The following ADGRV1 variants were observed in gnomAD, a reference collection of about 807,000 sequenced individuals.
The protein encoded by ADGRV1 is adhesion G protein-coupled receptor V1.
ADGRV1 carries 359 observed loss-of-function variants against 596.2 expected under a neutral mutation model. The observed-to-expected ratio is 0.60, with a 90% confidence interval of 0.55 to 0.66. The LOEUF (loss-of-function observed/expected upper bound fraction) is 0.66, where lower values mean the gene tolerates loss of function less well. Ranked by LOEUF, ADGRV1 falls within the 30% of genes least tolerant of loss-of-function variation. The probability of loss-of-function intolerance (pLI) is 0.00; values close to 1 mark genes in which losing one functional copy is unlikely to be tolerated. For synonymous variants in ADGRV1, 2,681 were observed against 2,679.2 expected (o/e 1.00, Z -0.02); for missense variants, 7,274 against 7,575.6 (o/e 0.96, Z 1.48).
At chr5:90,727,690 T>C (rs1340144048) in intron 48 of ADGRV1, among the ~76,000 whole-genome samples, 3 of 152,174 alleles carry the variant, frequency 2.0e-5, no homozygotes, top group Non-Finnish European at 4.4e-5. Context: ...TTGTTATTAA[T>C]ATTGCCCCTT....
chr5:90,759,242 G>C lies in ADGRV1; in HGVS notation c.11941-167G>C, dbSNP rs147579845. On this transcript the variant is annotated intron_variant, in intron 57 of 89. Transcript: ENST00000405460. ...TTTAAAAGTATTACAAATATAATAC[G>C]CAAAAAGAACTACTTTTTAGTACCA... 1.8e-4 allele frequency among the ~76,000 whole-genome samples: 28 copies of C among 152,010 alleles called. No homozygotes were observed. In the East Asian group the frequency reaches 4.8e-3, roughly 26 times the overall value.
Position 90,691,230 on chromosome 5 carries a change from G to T in ADGRV1, c.6951+189G>T, listed in dbSNP as rs982985045. 63 of 739,492 alleles carry T rather than the reference G, an allele frequency of 8.5e-5. 2 individuals are homozygous for T. The South Asian group carries it at 8.8e-4, about 10-fold the overall frequency. The allele number at this position is 739,492 out of a possible 1,614,324, so 45.8% of individuals were successfully genotyped here. A position where few individuals can be genotyped will look rare whatever the true frequency, so the allele number is the denominator to read the frequency against. On this transcript the variant is annotated intron_variant, in intron 31 of 89. Coordinates refer to ENST00000405460, the MANE Select transcript of ADGRV1 (RefSeq NM_032119.4). Reference sequence around the variant, plus strand: ...AGCAGGAATATTCTAGAAATAGATTGTATACATATGCCAGTTTACTACTAT... The same window carrying T: ...AGCAGGAATATTCTAGAAATAGATTTTATACATATGCCAGTTTACTACTAT...
At chr5:91,007,688 A>T (rs1412601337) in intron 85 of ADGRV1, among the ~76,000 whole-genome samples, 1 of 152,196 alleles carries the variant, frequency 6.6e-6, no homozygotes, top group Non-Finnish European at 1.5e-5. Context: ...GTGAAAATAC[A>T]TAAGAAAGAT....
intron 83 of ADGRV1, among the ~76,000 whole-genome samples, chr5:90,933,866 G>A (rs1278875320): frequency 1.3e-5 from 2 of 152,112 alleles, no homozygotes; most frequent in East Asian, 3.9e-4. Context: ...TCTGCTAGGT[G>A]GTATGAACAA....
rs1261587404 is a variant in ADGRV1 at position 90,745,275 on chromosome 5, A to G, written c.10769+10A>G. ...CTGACTTTATTCCTAGGTAGGTTCAACATTTTTTGCTAAGTATCTTTATGT... is the reference window on the plus strand; with the variant it reads ...CTGACTTTATTCCTAGGTAGGTTCAGCATTTTTTGCTAAGTATCTTTATGT... On this transcript the variant is annotated intron_variant, in intron 51 of 89. Transcript: ENST00000405460. The G allele has an allele frequency of 2.0e-6, 3 of 1,532,766 alleles. No homozygotes were observed. The highest frequency in any genetic ancestry group is 1.4e-5 in the African/African-American group (1 of 72,598). The allele number at this position is 1,532,766 out of a possible 1,614,324, so 94.9% of individuals were successfully genotyped here.
intron 84 of ADGRV1, among the ~76,000 whole-genome samples, chr5:90,976,252 T>C (rs1362545483): frequency 1.4e-5 from 2 of 147,366 alleles, no homozygotes; most frequent in African/African-American, 5.0e-5. Context: ...TACATATATT[T>C]ATATATAGTG....
chr5:91,068,391 C>T (rs1788073540), intron 85 of ADGRV1, among the ~76,000 whole-genome samples: 1 of 151,828 alleles, frequency 6.6e-6, no homozygotes, highest in African/African-American at 2.4e-5. Context: ...ATGGTGTGAA[C>T]CCAGGAGGCG....
At chr5:91,121,086 A>G (rs1793276902) in intron 87 of ADGRV1, among the ~76,000 whole-genome samples, 1 of 152,186 alleles carries the variant, frequency 6.6e-6, no homozygotes, top group South Asian at 2.1e-4. Flanking sequence ...AGGTAGGAGA[A>G]TCGCTTCAAC....
intron 83 of ADGRV1, among the ~76,000 whole-genome samples, chr5:90,886,663 CTCT>C (rs942541877): frequency 4.6e-5 from 7 of 152,162 alleles, no homozygotes; most frequent in African/African-American, 1.7e-4. Context: ...TCCTTGATAG[CTCT>C]TCTTGGATGT....
At chr5:91,155,453 C>A (rs549465799) in intron 89 of ADGRV1, among the ~76,000 whole-genome samples, 3 of 152,292 alleles carry the variant, frequency 2.0e-5, no homozygotes, top group Admixed American at 2.0e-4. Context: ...CATCAATAAT[C>A]TACTAGAGTT....
chr5:91,053,450 A>G (rs1786534312), intron 85 of ADGRV1, among the ~76,000 whole-genome samples: 1 of 152,202 alleles, frequency 6.6e-6, no homozygotes, highest in Non-Finnish European at 1.5e-5. Flanking sequence ...AGAAACAAAG[A>G]TTAATCATAA....
At chr5:90,559,681 T>G (rs1048971370) in intron 1 of ADGRV1, among the ~76,000 whole-genome samples, 1 of 152,186 alleles carries the variant, frequency 6.6e-6, no homozygotes, top group Admixed American at 6.5e-5. Flanking sequence ...TTTACTAGTA[T>G]GCTATACACT....
intron 83 of ADGRV1, among the ~76,000 whole-genome samples, chr5:90,929,838 A>C (rs768440331): frequency 1.5e-4 from 23 of 152,168 alleles, no homozygotes; most frequent in Admixed American, 3.9e-4. Context: ...TAATATGTAG[A>C]TATGTTTCTT....
At chr5:91,032,980 A>G (rs1784597664) in intron 85 of ADGRV1, among the ~76,000 whole-genome samples, 1 of 152,200 alleles carries the variant, frequency 6.6e-6, no homozygotes, top group African/African-American at 2.4e-5. Flanking sequence ...CTTATATAGC[A>G]CAGATCTGGA....
At position 90,711,204 on chromosome 5, in the gene ADGRV1, A is replaced by G; in HGVS notation, c.8924A>G (p.His2975Arg). 1 of 1,612,760 alleles carries G rather than the reference A, an allele frequency of 6.2e-7. No homozygotes were observed. The highest frequency in any genetic ancestry group is 2.2e-5 in the East Asian group (1 of 44,858). ...QQSRFEVNET[H>R]GSLTLVAQRS... Reference sequence around the variant, plus strand: ...TATAGGTTTGAAGTAAATGAAACCCATGGAAGTTTAACATTGGTAGCCCAG... The same window carrying G: ...TATAGGTTTGAAGTAAATGAAACCCGTGGAAGTTTAACATTGGTAGCCCAG... The change falls in exon 41 of 90, where the codon CAT becomes CGT. Residue 2975 changes from histidine to arginine, a missense_variant. By Grantham distance (29) the His-to-Arg change is conservative. Transcript: ENST00000405460.
intron 29 of ADGRV1, among the ~76,000 whole-genome samples, chr5:90,688,653 G>A (rs1655082155): frequency 6.6e-6 from 1 of 152,138 alleles, no homozygotes; most frequent in African/African-American, 2.4e-5. Flanking sequence ...ATGGCACTGA[G>A]CTTGTAGACT....
At chr5:91,089,835 T>A (rs568600848) in intron 86 of ADGRV1, among the ~76,000 whole-genome samples, 5 of 152,324 alleles carry the variant, frequency 3.3e-5, no homozygotes, top group African/African-American at 1.2e-4. Flanking sequence ...TAGGCAAGTT[T>A]AAAGATGCAT....
chr5:90,700,020 C>T (rs772258060), intron 34 of ADGRV1, among the ~76,000 whole-genome samples: 5 of 151,990 alleles, frequency 3.3e-5, no homozygotes, highest in Admixed American at 6.6e-5. Context: ...TTTTTACTTA[C>T]TTTTTTCTCT....
chr5:90,564,633 T>A (rs1350568523), intron 1 of ADGRV1, among the ~76,000 whole-genome samples: 1 of 25,188 alleles, frequency 4.0e-5, no homozygotes. Flanking sequence ...ATATTTTTTT[T>A]TTTTTTTTTT....
Sources: gnomAD v4.1 joint callset for allele counts (sites outside exome capture counted in the v4.1 genomes callset) on GRCh38, gnomAD v4.1.1 for gene constraint, MANE v1.5 for transcripts, NCBI Gene and HGNC (gene_info 2026-07-23, HGNC 2026-07-21) for gene names.